Variants in CSMD1 observed in about 807,000 individuals in gnomAD.
CSMD1 encodes CUB and Sushi multiple domains 1, also known as CUB and sushi domain-containing protein 1.
CSMD1 carries 213 observed loss-of-function variants against 417.5 expected under a neutral mutation model. The ratio of observed to expected loss-of-function variants is 0.51; its 90% confidence interval spans 0.46 to 0.57. The LOEUF (loss-of-function observed/expected upper bound fraction) is 0.57. Ranked by LOEUF, CSMD1 falls within the 20% of genes least tolerant of loss-of-function variation. CSMD1 has a pLI of 0.00. For synonymous variants in CSMD1, 2,862 were observed against 1,736.8 expected (o/e 1.65, Z -16.11); for missense variants, 6,923 against 4,529.7 (o/e 1.53, Z -15.17).
chr8:3,537,483 C>T (rs958757246), intron 10 of CSMD1, among the ~76,000 whole-genome samples: 1 of 152,122 alleles, frequency 6.6e-6, no homozygotes, highest in Admixed American at 6.5e-5. Context: ...AAAGTGATTT[C>T]CTCAGGAATT....
intron 2 of CSMD1, among the ~76,000 whole-genome samples, chr8:4,473,394 C>G (rs1371212022): frequency 6.6e-6 from 1 of 152,092 alleles, no homozygotes. Flanking sequence ...ACCCCATTCT[C>G]ATTGTAGGTA....
intron 1 of CSMD1, among the ~76,000 whole-genome samples, chr8:4,932,388 G>A (rs1204420650): frequency 6.6e-6 from 1 of 151,442 alleles, no homozygotes; most frequent in Non-Finnish European, 1.5e-5. Context: ...AATATCTACA[G>A]ACAGAGTTTG....
intron 10 of CSMD1, among the ~76,000 whole-genome samples, chr8:3,552,327 CTCTT>C (rs570759546): frequency 8.2e-4 from 124 of 151,716 alleles, no homozygotes; most frequent in African/African-American, 2.7e-3. Flanking sequence ...TCAGCTTATT[CTCTT>C]TTTTTTTGCA....
chr8:4,161,824 T>A (rs1797188010), intron 3 of CSMD1, among the ~76,000 whole-genome samples: 1 of 152,234 alleles, frequency 6.6e-6, no homozygotes, highest in African/African-American at 2.4e-5. Context: ...TAATCTGCTA[T>A]ATGATATGTC....
intron 10 of CSMD1, among the ~76,000 whole-genome samples, chr8:3,498,570 G>C (rs181871764): frequency 1.3e-5 from 2 of 152,254 alleles, no homozygotes; most frequent in East Asian, 1.9e-4. Flanking sequence ...GTTTTCAGCT[G>C]TTATTTTATT....
At chr8:4,695,758 T>C (rs1032731545) in intron 1 of CSMD1, among the ~76,000 whole-genome samples, 2 of 152,228 alleles carry the variant, frequency 1.3e-5, no homozygotes, top group African/African-American at 2.4e-5. Context: ...GACAAATTTA[T>C]TGTGATATGT....
intron 3 of CSMD1, among the ~76,000 whole-genome samples, chr8:4,244,805 A>C (rs1173773923): frequency 3.3e-5 from 5 of 152,220 alleles, no homozygotes; most frequent in African/African-American, 1.2e-4. Context: ...TGTATAAAAT[A>C]TGTGTATATA....
intron 1 of CSMD1, among the ~76,000 whole-genome samples, chr8:4,816,237 T>A (rs769604085): frequency 7.8e-4 from 119 of 151,910 alleles, no homozygotes; most frequent in Non-Finnish European, 9.9e-4. Context: ...CAGTTTGGAG[T>A]GCAGTAGTGC....
intron 5 of CSMD1, among the ~76,000 whole-genome samples, chr8:3,903,877 T>A (rs1024755383): frequency 6.6e-6 from 1 of 150,966 alleles, no homozygotes. Context: ...GCCATATATA[T>A]ATATTTTTTT....
At chr8:4,945,671 T>C (rs1239848174) in intron 1 of CSMD1, among the ~76,000 whole-genome samples, 1 of 152,164 alleles carries the variant, frequency 6.6e-6, no homozygotes, top group Non-Finnish European at 1.5e-5. Flanking sequence ...AAGGAGACTT[T>C]TTTCAAGAGA....
chr8:3,599,528 A>G (rs565774005), intron 8 of CSMD1, among the ~76,000 whole-genome samples: 26 of 152,272 alleles, frequency 1.7e-4, no homozygotes, highest in Admixed American at 9.8e-4. Flanking sequence ...AGTAACCCCA[A>G]CGCAGCATTG....
intron 6 of CSMD1, among the ~76,000 whole-genome samples, chr8:3,711,165 G>C (rs916045458): frequency 1.3e-5 from 2 of 152,216 alleles, no homozygotes; most frequent in South Asian, 2.1e-4. Flanking sequence ...AGAAACGAGA[G>C]ACTGGAAGGA....
intron 5 of CSMD1, among the ~76,000 whole-genome samples, chr8:3,985,639 G>A (rs914546661): frequency 3.3e-5 from 5 of 152,110 alleles, no homozygotes; most frequent in African/African-American, 1.2e-4. Context: ...CAGAACCGTT[G>A]CACTCACAGA....
At chr8:3,033,210 C>A (rs1436245352) in intron 50 of CSMD1, among the ~76,000 whole-genome samples, 1 of 152,062 alleles carries the variant, frequency 6.6e-6, no homozygotes, top group Non-Finnish European at 1.5e-5. Context: ...CACACATTTT[C>A]ACAGTGAAAA....
At chr8:4,231,491 C>G (rs193017590) in intron 3 of CSMD1, among the ~76,000 whole-genome samples, 24 of 149,700 alleles carry the variant, frequency 1.6e-4, no homozygotes, top group Non-Finnish European at 3.0e-4. Context: ...CTCTCTCACG[C>G]CCTTCAATTA....
intron 7 of CSMD1, among the ~76,000 whole-genome samples, chr8:3,672,785 G>A (rs529315223): frequency 6.6e-6 from 1 of 152,110 alleles, no homozygotes; most frequent in Non-Finnish European, 1.5e-5. Flanking sequence ...CTCTTCTCCT[G>A]GGAGAACCCT....
At chr8:3,497,224 T>C (rs1244998961) in intron 10 of CSMD1, among the ~76,000 whole-genome samples, 1 of 152,152 alleles carries the variant, frequency 6.6e-6, no homozygotes, top group Non-Finnish European at 1.5e-5. Context: ...GATAATCTGT[T>C]CCATGCTGAG....
At chr8:3,854,011 T>C (rs1804113160) in intron 5 of CSMD1, among the ~76,000 whole-genome samples, 1 of 145,764 alleles carries the variant, frequency 6.9e-6, no homozygotes, top group South Asian at 2.1e-4. Flanking sequence ...ACATAACATA[T>C]AAAATATTAT....
chr8:3,967,767 G>A (rs745482038), intron 5 of CSMD1, among the ~76,000 whole-genome samples: 9 of 152,076 alleles, frequency 5.9e-5, no homozygotes, highest in Admixed American at 2.6e-4. Flanking sequence ...TTAATATTAC[G>A]TGTGAACTAA....
Sources: gnomAD v4.1 joint callset for allele counts (sites outside exome capture counted in the v4.1 genomes callset) on GRCh38, gnomAD v4.1.1 for gene constraint, MANE v1.5 for transcripts, NCBI Gene and HGNC (gene_info 2026-07-23, HGNC 2026-07-21) for gene names.